The following ZNF831 variants were observed in gnomAD, a reference collection of about 807,000 sequenced individuals.
ZNF831 encodes the protein zinc finger protein 831, also known as chromosome 20 open reading frame 174.
A neutral mutation model predicts 95.8 loss-of-function variants in ZNF831; 59 were observed. That is an observed-to-expected ratio of 0.62 (90% confidence interval 0.50 to 0.77). ZNF831 has a LOEUF of 0.77. Among genes scored for constraint, ZNF831 ranks in the 30% least tolerant of loss-of-function variants. ZNF831 has a pLI of 0.00. For missense variants in ZNF831, 2,205 were observed against 2,164.0 expected, an observed-to-expected ratio of 1.02 and a Z score of -0.38; for synonymous variants, 961 against 925.5, an observed-to-expected ratio of 1.04 and a Z score of -0.70.
At chr20:59,171,276 C>G (rs1981711895) in intron 1 of ZNF831, among the ~76,000 whole-genome samples, 1 of 152,236 alleles carries the variant, frequency 6.6e-6, no homozygotes. Flanking sequence ...GTTGGAAAAA[C>G]TTAGCACTGT....
At chr20:59,219,863 C>T (rs1460349869) in intron 4 of ZNF831, among the ~76,000 whole-genome samples, 1 of 152,032 alleles carries the variant, frequency 6.6e-6, no homozygotes. Flanking sequence ...TCTGTGCCGA[C>T]AGAAGGTGGG....
At chr20:59,167,655 AG>A (rs934813795) in intron 1 of ZNF831, among the ~76,000 whole-genome samples, 2 of 152,032 alleles carry the variant, frequency 1.3e-5, no homozygotes, top group African/African-American at 4.8e-5. Flanking sequence ...GTTTAGGTCA[AG>A]GTTTTTTTTT....
intron 4 of ZNF831, among the ~76,000 whole-genome samples, chr20:59,246,111 T>TG (rs1452584652): frequency 1.3e-5 from 2 of 152,194 alleles, no homozygotes; most frequent in Non-Finnish European, 2.9e-5. Flanking sequence ...TCTGTCTCCT[T>TG]GCGCTCACAT....
At chr20:59,252,175 G>A (rs979131028) in intron 4 of ZNF831, among the ~76,000 whole-genome samples, 1 of 152,234 alleles carries the variant, frequency 6.6e-6, no homozygotes, top group Non-Finnish European at 1.5e-5. Context: ...TGGATGGGTT[G>A]GCAGGGGTTG....
chr20:59,131,633 G>A (rs993247438), intron 1 of ZNF831, among the ~76,000 whole-genome samples: 2 of 152,180 alleles, frequency 1.3e-5, no homozygotes, highest in African/African-American at 2.4e-5. Flanking sequence ...TCTGAGCACC[G>A]GGATCCTTAA....
At chr20:59,147,527 T>A (rs546682450) in intron 2 of ZNF831, among the ~76,000 whole-genome samples, 26 of 152,336 alleles carry the variant, frequency 1.7e-4, no homozygotes, top group African/African-American at 6.3e-4. Context: ...TTATACTTTG[T>A]TTTTTAAAAG....
chr20:59,206,547 A>G (rs1396875007), intron 3 of ZNF831, among the ~76,000 whole-genome samples: 1 of 152,238 alleles, frequency 6.6e-6, no homozygotes, highest in Admixed American at 6.5e-5. Context: ...AGATTACAGA[A>G]CATTTCCATC....
At chr20:59,233,522 T>A (rs979393425) in intron 4 of ZNF831, among the ~76,000 whole-genome samples, 14 of 152,050 alleles carry the variant, frequency 9.2e-5, no homozygotes, top group African/African-American at 3.4e-4. Context: ...AGAAAAAACC[T>A]CAGTCTTATC....
At chr20:59,123,999 G>T (rs1979084897) in intron 1 of ZNF831, among the ~76,000 whole-genome samples, 1 of 152,196 alleles carries the variant, frequency 6.6e-6, no homozygotes, top group African/African-American at 2.4e-5. Flanking sequence ...GGCAATACAG[G>T]TCTTCCTCCT....
At chr20:59,233,192 A>G (rs191698711) in intron 4 of ZNF831, among the ~76,000 whole-genome samples, 19 of 152,322 alleles carry the variant, frequency 1.2e-4, no homozygotes, top group Admixed American at 9.1e-4. Flanking sequence ...CTGCCTCTGC[A>G]TGAAGTTGAG....
chr20:59,154,556 C>T (rs1980424791), intron 2 of ZNF831, among the ~76,000 whole-genome samples: 1 of 152,220 alleles, frequency 6.6e-6, no homozygotes. Flanking sequence ...TTTTGCATTG[C>T]CCTTGCTGCT....
rs201857319 is a variant in ZNF831, at chr20:59,206,987, C to T, written c.3958C>T (p.Arg1320Cys). ...ACCAACCTGGGTGCGAAGAAGAAGC[C>T]GCCACCCTCCCGCACTTGAGGGACT... ...RTPTWVRRRS[R>C]HPPALEGLKP... The change falls in exon 4 of 6, where the codon CGC (arginine) becomes TGC (cysteine). Residue 1320 changes from arginine to cysteine, a missense_variant. Physicochemically the swap from Arg to Cys is radical, Grantham distance 180. Transcript: ENST00000371030. 8.7e-6 allele frequency: 14 copies of T among 1,614,212 alleles called. No homozygotes were observed. Among genetic ancestry groups the T allele is most frequent in the East Asian group, 4.5e-5 (2 of 44,888 alleles).
intron 3 of ZNF831, among the ~76,000 whole-genome samples, chr20:59,199,041 G>GCCCA (rs1183076582): frequency 8.8e-5 from 12 of 136,264 alleles, no homozygotes; most frequent in Middle Eastern, 7.2e-3. Context: ...CTGTCCATCT[G>GCCCA]CCCACCCACC....
At position 59,239,343 on chromosome 20, in the gene ZNF831, G is replaced by A. The variant is rs1410708193; in HGVS notation, c.4028-13635G>A. On this transcript the variant is annotated intron_variant, in intron 4 of 5. Transcript: ENST00000371030. ...AACTACTTGATTTCAAAACCATTATGTTAGTTTACTGCATTATCATTTAAG... is the reference window on the plus strand; with the variant it reads ...AACTACTTGATTTCAAAACCATTATATTAGTTTACTGCATTATCATTTAAG... Among the ~76,000 whole-genome samples, 6 of 152,146 alleles carry A rather than the reference G, an allele frequency of 3.9e-5. No individual in the cohort carries two copies. The South Asian group carries it at 6.2e-4, about 16-fold the overall frequency.
At chr20:59,175,413 A>G (rs1315761018) in intron 1 of ZNF831, among the ~76,000 whole-genome samples, 1 of 146,026 alleles carries the variant, frequency 6.8e-6, no homozygotes, top group Non-Finnish European at 1.5e-5. Flanking sequence ...GAGGCTGTTC[A>G]TTTTTTTTTT....
At chr20:59,172,453 C>T (rs997368988) in intron 1 of ZNF831, among the ~76,000 whole-genome samples, 5 of 152,142 alleles carry the variant, frequency 3.3e-5, no homozygotes, top group African/African-American at 4.8e-5. Context: ...CAGATCTTTT[C>T]GGGGATGCGG....
intron 4 of ZNF831, among the ~76,000 whole-genome samples, chr20:59,244,444 A>G (rs1362014325): frequency 2.0e-5 from 3 of 152,252 alleles, no homozygotes; most frequent in African/African-American, 7.2e-5. Context: ...ATATTCAGGT[A>G]TAATACACTT....
chr20:59,162,560 C>T (rs1980939476), upstream of ZNF831, among the ~76,000 whole-genome samples: 1 of 152,128 alleles, frequency 6.6e-6, no homozygotes, highest in Non-Finnish European at 1.5e-5. Flanking sequence ...TCCTTTCTTT[C>T]ACTGTTTATT....
chr20:59,252,341 C>G (rs73915990), intron 4 of ZNF831, among the ~76,000 whole-genome samples: 2 of 152,162 alleles, frequency 1.3e-5, no homozygotes, highest in South Asian at 4.1e-4. Context: ...ATGATGGAAC[C>G]TGCCCTCTCT....
Sources: gnomAD v4.1 joint callset for allele counts (sites outside exome capture counted in the v4.1 genomes callset) on GRCh38, gnomAD v4.1.1 for gene constraint, MANE v1.5 for transcripts, NCBI Gene and HGNC (gene_info 2026-07-23, HGNC 2026-07-21) for gene names.